TMED3: variants seen among roughly 807,000 people sequenced by gnomAD.
TMED3 encodes transmembrane p24 trafficking protein 3, also known as transmembrane emp24 domain-containing protein 3.
Under a neutral mutation model 15.0 loss-of-function variants are expected in TMED3, and 9 were observed. That is an observed-to-expected ratio of 0.60 (90% CI 0.36 to 1.04). The LOEUF is 1.04. Among genes scored for constraint, TMED3 ranks in the 50% least tolerant of loss-of-function variants. The probability of loss-of-function intolerance (pLI) is 0.01; values close to 1 mark genes in which losing one functional copy is unlikely to be tolerated. For missense variants in TMED3, 267 were observed against 278.9 expected (o/e 0.96, Z 0.30); for synonymous variants, 117 against 121.4 (o/e 0.96, Z 0.24).
At chr15:79,366,789 G>A (rs764566602) in intron 2 of TMED3, among the ~76,000 whole-genome samples, 2 of 152,184 alleles carry the variant, frequency 1.3e-5, no homozygotes, top group Non-Finnish European at 2.9e-5. Flanking sequence ...CCAAGGTGAC[G>A]GTGAATGTCT....
At chr15:79,400,663 T>G (rs28595228) in intron 2 of TMED3, among the ~76,000 whole-genome samples, 55,877 of 152,066 alleles carry the variant, frequency 0.37, 10,882 homozygotes, top group Middle Eastern at 0.52. Flanking sequence ...TTAGTACAAT[T>G]TTGTGTATAT....
intron 2 of TMED3, among the ~76,000 whole-genome samples, chr15:79,359,873 G>A (rs888465201): frequency 2.6e-5 from 4 of 152,208 alleles, no homozygotes; most frequent in East Asian, 1.9e-4. Flanking sequence ...TCTTCTGCCC[G>A]TGGGTCTACA....
At chr15:79,315,112 G>A (rs1302904605) in intron 2 of TMED3, among the ~76,000 whole-genome samples, 1 of 152,160 alleles carries the variant, frequency 6.6e-6, no homozygotes, top group Non-Finnish European at 1.5e-5. Context: ...TTCCAAGGTG[G>A]CATCCTTCCT....
intron 2 of TMED3, among the ~76,000 whole-genome samples, chr15:79,397,328 G>A (rs979688065): frequency 3.3e-5 from 5 of 152,218 alleles, no homozygotes; most frequent in African/African-American, 1.2e-4. Flanking sequence ...AAAGTATTGT[G>A]TACATAGCAG....
At chr15:79,331,464 AC>A (rs2058807998) in intron 2 of TMED3, among the ~76,000 whole-genome samples, 1 of 152,026 alleles carries the variant, frequency 6.6e-6, no homozygotes, top group Admixed American at 6.6e-5. Flanking sequence ...TTAGAAGAAA[AC>A]AAAGGAAAAA....
chr15:79,393,539 G>T (rs1893723676), intron 2 of TMED3, among the ~76,000 whole-genome samples: 1 of 152,114 alleles, frequency 6.6e-6, no homozygotes. Flanking sequence ...GGTGACACTT[G>T]GGAAAACTTC....
intron 2 of TMED3, among the ~76,000 whole-genome samples, chr15:79,364,143 G>A (rs902232553): frequency 6.6e-6 from 1 of 152,114 alleles, no homozygotes; most frequent in Non-Finnish European, 1.5e-5. Flanking sequence ...GCAGGTTGCC[G>A]GTTGGCCCTT....
At chr15:79,386,705 T>TTTC in intron 2 of TMED3, among the ~76,000 whole-genome samples, 1 of 4,354 alleles carries the variant, frequency 2.3e-4, no homozygotes, top group Admixed American at 2.3e-3. Flanking sequence ...TGCCTGGCTA[T>TTTC]TTTTTTTTTT....
intron 2 of TMED3, among the ~76,000 whole-genome samples, chr15:79,398,360 T>A (rs1893789435): frequency 6.6e-6 from 1 of 152,040 alleles, no homozygotes; most frequent in Non-Finnish European, 1.5e-5. Context: ...GGCAGTGGCA[T>A]AATCATAGCT....
At chr15:79,330,258 G>T (rs1402126159) in intron 2 of TMED3, among the ~76,000 whole-genome samples, 1 of 152,188 alleles carries the variant, frequency 6.6e-6, no homozygotes, top group East Asian at 1.9e-4. Context: ...GTCCTTGTTT[G>T]TAAATGACAT....
intron 2 of TMED3, among the ~76,000 whole-genome samples, chr15:79,345,013 G>A (rs2058864612): frequency 6.6e-6 from 1 of 152,142 alleles, no homozygotes. Context: ...AGAGAAAACA[G>A]GGGGACAATG....
At chr15:79,311,784 A>G (rs186412154) in intron 1 of TMED3, among the ~76,000 whole-genome samples, 1 of 152,194 alleles carries the variant, frequency 6.6e-6, no homozygotes, top group African/African-American at 2.4e-5. Context: ...CCAGTCTCTT[A>G]GACCACCTTG....
chr15:79,336,246 C>T (rs1374528022), intron 2 of TMED3, among the ~76,000 whole-genome samples: 1 of 152,200 alleles, frequency 6.6e-6, no homozygotes, highest in Non-Finnish European at 1.5e-5. Flanking sequence ...GGTTGTAAAT[C>T]TTCCCCTCTC....
intron 2 of TMED3, among the ~76,000 whole-genome samples, chr15:79,397,612 A>T (rs991228331): frequency 6.6e-6 from 1 of 152,216 alleles, no homozygotes; most frequent in African/African-American, 2.4e-5. Flanking sequence ...TTGACTCTGG[A>T]TACATTTTTC....
intron 2 of TMED3, among the ~76,000 whole-genome samples, chr15:79,387,090 G>T (rs1893636288): frequency 6.6e-6 from 1 of 152,044 alleles, no homozygotes; most frequent in Non-Finnish European, 1.5e-5. Context: ...ACCATGCCTG[G>T]CTAATTATGG....
Position 79,410,334 on chromosome 15 carries a change from AT to A in TMED3, c.418-1061del, listed in dbSNP as rs1431003847. On this transcript the variant is annotated intron_variant, in intron 2 of 2. Transcript: ENST00000424155. ...ATATTAATAATTGTGAAAAGACCCA[AT>A]TTTTCCCATCGGAATGAAGCATCTG... 1.2e-4 allele frequency among the ~76,000 whole-genome samples: 19 copies of A among 152,264 alleles called. No individual in the cohort carries two copies. The East Asian group carries it at 3.7e-3, about 29-fold the overall frequency.
chr15:79,322,413 C>T lies in TMED3; in HGVS notation c.*199C>T, dbSNP rs1049378642. On this transcript the variant is annotated 3_prime_UTR_variant, in exon 3 of 3. Transcript: ENST00000299705. ...CAGAGACCAGTAATCAGAAGGCATC[C>T]GACTGCATTAAGTGTGCAGCGCTGA... 21 of 1,420,858 alleles carry T rather than the reference C, an allele frequency of 1.5e-5. No individual in the cohort carries two copies. Among genetic ancestry groups the T allele is most frequent in the Admixed American group, 8.9e-5 (3 of 33,856 alleles). The allele number at this position is 1,420,858 out of a possible 1,614,324, so 88.0% of individuals were successfully genotyped here.
intron 2 of TMED3, among the ~76,000 whole-genome samples, chr15:79,331,557 A>T (rs2058809002): frequency 6.6e-6 from 1 of 151,766 alleles, no homozygotes; most frequent in Non-Finnish European, 1.5e-5. Flanking sequence ...AAAAAAAAAA[A>T]AAAAGGATAA....
At chr15:79,398,663 C>A (rs1179936588) in intron 2 of TMED3, among the ~76,000 whole-genome samples, 8 of 152,192 alleles carry the variant, frequency 5.3e-5, no homozygotes, top group Admixed American at 2.0e-4. Flanking sequence ...TTGGATGAGG[C>A]CCACCCACAG....
Sources: allele counts gnomAD v4.1 joint callset (sites outside exome capture counted in the v4.1 genomes callset), GRCh38; gene constraint gnomAD v4.1.1; transcripts MANE v1.5; gene names NCBI Gene and HGNC (gene_info 2026-07-23, HGNC 2026-07-21).